The following SLC38A7 variants were observed in gnomAD, a reference collection of about 807,000 sequenced individuals.
SLC38A7 encodes the protein sodium-coupled neutral amino acid transporter 7.
SLC38A7 carries 29 observed loss-of-function variants against 50.1 expected under a neutral mutation model. The observed-to-expected ratio is 0.58, with a 90% confidence interval of 0.43 to 0.79. The LOEUF (loss-of-function observed/expected upper bound fraction) is 0.79. Among genes scored for constraint, SLC38A7 ranks in the 30% least tolerant of loss-of-function variants. The pLI is 0.00. For missense variants in SLC38A7, 483 were observed against 610.6 expected (o/e 0.79, Z 2.20); for synonymous variants, 244 against 245.9 (o/e 0.99, Z 0.07).
chr16:58,669,058 C>T (rs1268496206), intron 11 of SLC38A7, among the ~76,000 whole-genome samples: 2 of 139,306 alleles, frequency 1.4e-5, no homozygotes, highest in Non-Finnish European at 3.1e-5. Context: ...GCGTGAGTCA[C>T]TGTGCCTGGC....
At chr16:58,675,264 T>C in intron 8 of SLC38A7, 1 of 399,766 alleles carries the variant, frequency 2.5e-6, no homozygotes, top group South Asian at 1.9e-5. Context: ...CCCAGCACTT[T>C]GGGAGGCCGA....
chr16:58,670,002 A>G, intron 11 of SLC38A7, 111 bp downstream of exon 11: 1 of 925,866 alleles, frequency 1.1e-6, no homozygotes, highest in Non-Finnish European at 1.6e-6. Context: ...ACAAAAACCC[A>G]TGATTTCTAA....
intron 8 of SLC38A7, among the ~76,000 whole-genome samples, chr16:58,674,702 C>A (rs1023325978): frequency 3.9e-5 from 6 of 152,122 alleles, no homozygotes; most frequent in Non-Finnish European, 8.8e-5. Flanking sequence ...GTCTCCCCAG[C>A]CAGGACATGA....
rs957566661 is a variant in SLC38A7, at chr16:58,684,707, G to C, written c.-340+10C>G. On this transcript the variant is annotated intron_variant, in intron 1 of 11. Coordinates refer to ENST00000219320, the MANE Select transcript of SLC38A7 (RefSeq NM_018231.3). Reference sequence around the variant, plus strand: ...CTTCCACCCTCCAGAGCCTGTCTCCGGCCACCTACCTTGGGGGATTCTTTC... The same window carrying C: ...CTTCCACCCTCCAGAGCCTGTCTCCCGCCACCTACCTTGGGGGATTCTTTC... 2.6e-5 allele frequency: 4 copies of C among 152,418 alleles called. No homozygotes were observed. The highest frequency in any genetic ancestry group is 7.2e-5 in the African/African-American group (3 of 41,596). The allele number at this position is 152,418 out of a possible 1,614,324, so 9.4% of individuals were successfully genotyped here.
At position 58,671,526 on chromosome 16, in the gene SLC38A7, T is replaced by C. The variant is rs145180193; in HGVS notation, c.1032-282A>G. ...GGGCATCCAAAGGGGAGGGTGTCCA[T>C]GTGAAAGCTCAGGAAAGGATCTGGA... On this transcript the variant is annotated intron_variant, in intron 9 of 11. Transcript: ENST00000219320. 187 of 537,480 alleles carry C rather than the reference T, an allele frequency of 3.5e-4. 2 individuals carry two copies. In the East Asian group the frequency reaches 5.7e-3, roughly 17 times the overall value. The allele number at this position is 537,480 out of a possible 1,614,324, so 33.3% of individuals were successfully genotyped here.
At chr16:58,676,966 T>C (rs2044281440) in intron 6 of SLC38A7, among the ~76,000 whole-genome samples, 1 of 152,070 alleles carries the variant, frequency 6.6e-6, no homozygotes, top group African/African-American at 2.4e-5. Context: ...CCCCCTTTTT[T>C]TTTAATAATA....
At chr16:58,670,338 C>T (rs1355184142) in intron 10 of SLC38A7, among the ~76,000 whole-genome samples, 171 bp from the exon 11 acceptor site, 1 of 152,232 alleles carries the variant, frequency 6.6e-6, no homozygotes. Flanking sequence ...CTGGCATCTG[C>T]TCTCCCATGA....
In SLC38A7 at chr16:58,670,110, T is replaced by A. The variant is rs1235924481; in HGVS notation, c.1286+3A>T. The A allele has an allele frequency of 6.2e-7, 1 of 1,614,150 alleles. No homozygotes were observed. Among genetic ancestry groups the A allele is most frequent in the East Asian group, 2.2e-5 (1 of 44,886 alleles). ...GAGGATCAAGGGCTGGGTCCTGCTT[T>A]ACCTGGCTGGTTTGACCTCTTCCAT... is the stretch of plus-strand genomic sequence containing the variant. On this transcript the variant is annotated splice_donor_region_variant and intron_variant, in intron 11 of 11. Coordinates refer to ENST00000219320, the MANE Select transcript of SLC38A7 (RefSeq NM_018231.3).
intron 11 of SLC38A7, among the ~76,000 whole-genome samples, chr16:58,669,665 A>G (rs1250556573): frequency 2.7e-5 from 4 of 145,672 alleles, no homozygotes; most frequent in Admixed American, 6.9e-5. Context: ...AATTTTTAAA[A>G]GTATTAAAAA....
At position 58,665,201 on chromosome 16, in the gene SLC38A7, G is replaced by A. The variant is rs578242740; in HGVS notation, c.*2184C>T. ...AGTGAAGTACCCCGATAGGGAGGGT[G>A]GGGAGAGGATGGGAGGGGGCTCCTG... On this transcript the variant is annotated 3_prime_UTR_variant, in exon 12 of 12. Transcript: ENST00000219320. The A allele has an allele frequency of 1.3e-5, 2 of 152,418 alleles. No homozygotes were observed. Among genetic ancestry groups the A allele is most frequent in the African/African-American group, 4.8e-5 (2 of 41,462 alleles). The allele number at this position is 152,418 out of a possible 1,614,324, so 9.4% of individuals were successfully genotyped here. A position where few individuals can be genotyped will look rare whatever the true frequency, so the allele number is the denominator to read the frequency against.
chr16:58,670,914 C>A, intron 10 of SLC38A7, 131 bp downstream of exon 10: 2 of 961,544 alleles, frequency 2.1e-6, no homozygotes, highest in Non-Finnish European at 3.2e-6. Context: ...AGTACAGAGG[C>A]GAGACAGGTG....
In SLC38A7 at chr16:58,666,675, C is replaced by T. The variant is rs1479571585; in HGVS notation, c.*710G>A. 2.0e-5 allele frequency: 3 copies of T among 152,800 alleles called. No homozygotes were observed. Among genetic ancestry groups the T allele is most frequent in the Non-Finnish European group, 4.4e-5 (3 of 68,162 alleles). The allele number at this position is 152,800 out of a possible 1,614,324, so 9.5% of individuals were successfully genotyped here. ...CACCGTGGCACGGGACGGCCCTTGG[C>T]TTCAGAGCCGGGCTGGCACCGTTTG... On this transcript the variant is annotated 3_prime_UTR_variant, in exon 12 of 12. Transcript: ENST00000219320.
At chr16:58,674,044 C>T (rs1018356890) in intron 8 of SLC38A7, among the ~76,000 whole-genome samples, 13 of 151,844 alleles carry the variant, frequency 8.6e-5, no homozygotes, top group South Asian at 2.1e-4. Context: ...AGGCTGGTCT[C>T]GAACTCCTGG....
intron 8 of SLC38A7, among the ~76,000 whole-genome samples, chr16:58,673,673 T>C (rs2152077094): frequency 6.8e-6 from 1 of 146,012 alleles, no homozygotes; most frequent in East Asian, 2.2e-4. Context: ...CGTTTTTTTT[T>C]TTTTTTTTAA....
chr16:58,675,228 C>T (rs2044240159), intron 8 of SLC38A7: 2 of 346,622 alleles, frequency 5.8e-6, no homozygotes, highest in Non-Finnish European at 1.1e-5. Context: ...CCATTTTAGG[C>T]TGGGTTGGTG....
At position 58,671,163 on chromosome 16, in the gene SLC38A7, C is replaced by T. The variant is rs748814358; in HGVS notation, c.1113G>A (p.Val371=). Residue 371 remains valine (V), a synonymous_variant, in exon 10 of 12, where the codon GTG becomes GTA. Coordinates refer to ENST00000219320, the MANE Select transcript of SLC38A7 (RefSeq NM_018231.3). ...EDVGRERRRR[V]LQTLVWFLLT... is the part of the protein sequence containing the mutation. Reference sequence around the variant, plus strand: ...GCAGGAACCAGACCAGCGTCTGCAGCACTCGCCGCCGCCGCTCCCGCCCCA... The same window carrying T: ...GCAGGAACCAGACCAGCGTCTGCAGTACTCGCCGCCGCCGCTCCCGCCCCA... 1 of 1,613,860 alleles carries T rather than the reference C, an allele frequency of 6.2e-7. No homozygotes were observed. Among genetic ancestry groups the T allele is most frequent in the South Asian group, 1.1e-5 (1 of 91,078 alleles).
At chr16:58,681,423 T>G (rs1239043080) in intron 2 of SLC38A7, 1 of 144,168 alleles carries the variant, frequency 6.9e-6, no homozygotes, top group African/African-American at 2.7e-5. Flanking sequence ...ATAAACACAA[T>G]TGAGATGCAG....
Position 58,667,042 on chromosome 16 carries a change from G to C in SLC38A7, c.*343C>G, listed in dbSNP as rs2044049792. On this transcript the variant is annotated 3_prime_UTR_variant, in exon 12 of 12. Coordinates refer to ENST00000219320, the MANE Select transcript of SLC38A7 (RefSeq NM_018231.3). ...GCCTTCTGTCCATAGTCATTCTCCAGAGGGAAGTCAGACTGGATTCTTTCT... is the reference window on the plus strand; with the variant it reads ...GCCTTCTGTCCATAGTCATTCTCCACAGGGAAGTCAGACTGGATTCTTTCT... 1 of 382,398 alleles carries C rather than the reference G, an allele frequency of 2.6e-6. No individual in the cohort carries two copies. 23.7% of individuals were successfully genotyped at this position (382,398 alleles called of 1,614,324 possible).
Position 58,682,627 on chromosome 16 carries a change from C to CT in SLC38A7, c.-116+1327dup, listed in dbSNP as rs201753839. ...GGTGTGTGCCACCACAGCCAGCTAA[C>CT]TTTTAAAATTTTTTTTTTTTTTGAG... is the stretch of plus-strand genomic sequence containing the variant. On this transcript the variant is annotated intron_variant, in intron 2 of 11. Coordinates refer to ENST00000219320, the MANE Select transcript of SLC38A7 (RefSeq NM_018231.3). Among the ~76,000 whole-genome samples, 906 of 149,572 alleles carry CT rather than the reference C, an allele frequency of 6.1e-3. 9 individuals carry two copies. Among genetic ancestry groups the CT allele is most frequent in the African/African-American group, 0.02 (813 of 40,074 alleles).
Sources: gnomAD v4.1 joint callset for allele counts (sites outside exome capture counted in the v4.1 genomes callset) on GRCh38, gnomAD v4.1.1 for gene constraint, MANE v1.5 for transcripts, NCBI Gene and HGNC (gene_info 2026-07-23, HGNC 2026-07-21) for gene names.